ASIC2: variants seen among roughly 807,000 people sequenced by gnomAD.
The protein encoded by ASIC2 is acid sensing ion channel subunit 2, also known as acid-sensing ion channel 2.
ASIC2 carries 25 observed loss-of-function variants against 57.3 expected under a neutral mutation model. That is an observed-to-expected ratio of 0.44 (90% CI 0.32 to 0.61). ASIC2 has a LOEUF of 0.61. ASIC2 is among the 20% of genes least tolerant of loss of function. The pLI is 0.06. For synonymous variants in ASIC2, 319 were observed against 307.5 expected (o/e 1.04, Z -0.39); for missense variants, 641 against 738.1 (o/e 0.87, Z 1.52).
At chr17:33,040,825 G>A (rs534791359) in intron 3 of ASIC2, among the ~76,000 whole-genome samples, 51 of 152,298 alleles carry the variant, frequency 3.3e-4, no homozygotes, top group African/African-American at 1.2e-3. Context: ...TCAACCTGAT[G>A]GACGTGTCCT....
At chr17:33,364,922 A>T (rs1426994598) in intron 1 of ASIC2, among the ~76,000 whole-genome samples, 1 of 152,132 alleles carries the variant, frequency 6.6e-6, no homozygotes, top group African/African-American at 2.4e-5. Context: ...CTCCGCAGTC[A>T]AGTATCTAGG....
At chr17:33,568,922 G>A (rs1916338558) in intron 1 of ASIC2, among the ~76,000 whole-genome samples, 1 of 152,294 alleles carries the variant, frequency 6.6e-6, no homozygotes, top group South Asian at 2.1e-4. Flanking sequence ...ATGGGAGCTT[G>A]ATTTATATCA....
At chr17:33,580,015 G>C (rs1027507495) in intron 1 of ASIC2, 8 of 152,136 alleles carry the variant, frequency 5.3e-5, no homozygotes, top group Non-Finnish European at 1.0e-4. Context: ...ACAGAGTGCT[G>C]ATTGGTGCAT....
At chr17:34,068,941 T>C (rs1223519980) in intron 1 of ASIC2, among the ~76,000 whole-genome samples, 1 of 152,136 alleles carries the variant, frequency 6.6e-6, no homozygotes, top group Non-Finnish European at 1.5e-5. Flanking sequence ...TGAAGCATTT[T>C]AACTGGGAGG....
At chr17:34,135,477 C>A (rs186058128) in intron 1 of ASIC2, among the ~76,000 whole-genome samples, 1 of 152,314 alleles carries the variant, frequency 6.6e-6, no homozygotes, top group East Asian at 1.9e-4. Flanking sequence ...TTAAAATTAA[C>A]CTGGTAAGCT....
At chr17:33,037,686 A>G (rs1157132190) in intron 3 of ASIC2, among the ~76,000 whole-genome samples, 1 of 152,206 alleles carries the variant, frequency 6.6e-6, no homozygotes, top group Non-Finnish European at 1.5e-5. Context: ...ATCCCAAGGG[A>G]AAGATAGACA....
intron 2 of ASIC2, among the ~76,000 whole-genome samples, chr17:33,091,589 T>C (rs1024418713): frequency 9.9e-5 from 15 of 152,158 alleles, no homozygotes; most frequent in Non-Finnish European, 2.1e-4. Flanking sequence ...GGGCAAAACA[T>C]ACAGGCCTGG....
intron 2 of ASIC2, among the ~76,000 whole-genome samples, chr17:33,102,043 C>T (rs1196203301): frequency 6.6e-6 from 1 of 152,136 alleles, no homozygotes; most frequent in Non-Finnish European, 1.5e-5. Flanking sequence ...GGATGGAATG[C>T]TCTCCAGGCC....
intron 1 of ASIC2, among the ~76,000 whole-genome samples, chr17:33,906,008 T>A (rs1422613464): frequency 8.6e-6 from 1 of 116,100 alleles, no homozygotes; most frequent in Non-Finnish European, 1.7e-5. Context: ...TAATTTTAAT[T>A]AAATTTTTTT....
chr17:34,047,245 CAT>C (rs1211415958), intron 1 of ASIC2, among the ~76,000 whole-genome samples: 11 of 152,168 alleles, frequency 7.2e-5, no homozygotes, highest in East Asian at 3.9e-4. Flanking sequence ...ATTTATTCAA[CAT>C]ATATATAATG....
intron 1 of ASIC2, among the ~76,000 whole-genome samples, chr17:33,532,622 G>A (rs910419225): frequency 4.6e-5 from 7 of 152,166 alleles, no homozygotes; most frequent in Non-Finnish European, 8.8e-5. Flanking sequence ...TGCAATGGAT[G>A]GGGGAAACCA....
intron 1 of ASIC2, among the ~76,000 whole-genome samples, chr17:33,764,062 G>C (rs1910861994): frequency 6.6e-6 from 1 of 152,190 alleles, no homozygotes; most frequent in East Asian, 1.9e-4. Context: ...GGGAGGCCGA[G>C]GCAGGCGGAT....
At chr17:33,487,211 C>T (rs1464262957) in intron 1 of ASIC2, among the ~76,000 whole-genome samples, 2 of 152,078 alleles carry the variant, frequency 1.3e-5, no homozygotes, top group African/African-American at 4.8e-5. Flanking sequence ...TTCCCTTTTA[C>T]CAAATAGGTT....
chr17:33,845,268 C>A (rs922481797), intron 1 of ASIC2, among the ~76,000 whole-genome samples: 1 of 152,066 alleles, frequency 6.6e-6, no homozygotes. Context: ...TATAGTAAGA[C>A]CTTTTTCCAT....
intron 2 of ASIC2, among the ~76,000 whole-genome samples, chr17:33,111,598 C>A (rs375343957): frequency 6.6e-6 from 1 of 152,158 alleles, no homozygotes; most frequent in East Asian, 1.9e-4. Context: ...CCATCCTTCC[C>A]GCCTCTCCTG....
intron 1 of ASIC2, among the ~76,000 whole-genome samples, chr17:34,141,838 T>C (rs555439177): frequency 1.3e-5 from 2 of 152,340 alleles, no homozygotes; most frequent in African/African-American, 4.8e-5. Context: ...CCTGAAATCA[T>C]AGCCTCCAAG....
At chr17:33,732,865 T>G (rs925729028) in intron 1 of ASIC2, among the ~76,000 whole-genome samples, 3 of 152,190 alleles carry the variant, frequency 2.0e-5, no homozygotes, top group Non-Finnish European at 4.4e-5. Flanking sequence ...CCCAAACTCC[T>G]GACCTCAAGT....
intron 1 of ASIC2, among the ~76,000 whole-genome samples, chr17:33,467,294 T>A (rs1428711188): frequency 6.6e-6 from 1 of 152,146 alleles, no homozygotes; most frequent in African/African-American, 2.4e-5. Flanking sequence ...GAGACAATTA[T>A]CAAAGTGAAG....
chr17:33,041,285 A>G (rs992827344), intron 3 of ASIC2, among the ~76,000 whole-genome samples: 6 of 152,196 alleles, frequency 3.9e-5, no homozygotes, highest in Non-Finnish European at 5.9e-5. Context: ...ACATGGATGC[A>G]CCTTGCACAG....
Sources: gnomAD v4.1 joint callset for allele counts (sites outside exome capture counted in the v4.1 genomes callset) on GRCh38, gnomAD v4.1.1 for gene constraint, MANE v1.5 for transcripts, NCBI Gene and HGNC (gene_info 2026-07-23, HGNC 2026-07-21) for gene names.